UMODL1: variants seen among roughly 807,000 people sequenced by gnomAD.
UMODL1 encodes the protein uromodulin-like 1.
In UMODL1, 128 loss-of-function variants were observed where a neutral mutation model predicts 136.3. That is an observed-to-expected ratio of 0.94 (90% confidence interval 0.81 to 1.09). The LOEUF is 1.09. UMODL1 is among the 50% of genes least tolerant of loss of function. UMODL1 has a pLI of 0.00. For synonymous variants in UMODL1, 721 were observed against 720.0 expected, an observed-to-expected ratio of 1.00 and a Z score of -0.02; for missense variants, 1,766 against 1,725.6, an observed-to-expected ratio of 1.02 and a Z score of -0.41.
chr21:42,110,144 G>A (rs767348352), intron 10 of UMODL1, among the ~76,000 whole-genome samples: 23 of 152,336 alleles, frequency 1.5e-4, no homozygotes, highest in African/African-American at 4.3e-4. Flanking sequence ...GATGGGGGCC[G>A]CTGAGCTCTA....
intron 1 of UMODL1, among the ~76,000 whole-genome samples, chr21:42,065,414 C>G (rs2066175058): frequency 6.6e-6 from 1 of 152,216 alleles, no homozygotes. Flanking sequence ...TCTGACCCGT[C>G]CTAAGAGATG....
chr21:42,111,066 G>T lies in UMODL1; in HGVS notation c.1844G>T (p.Gly615Val). ...CCAGAGCCCTCACCCAGAAGAGGGGGCAGCAATGTGGTCGGGTATGACAGG... is the reference window on the plus strand; with the variant it reads ...CCAGAGCCCTCACCCAGAAGAGGGGTCAGCAATGTGGTCGGGTATGACAGG... Reference protein sequence around the residue: ...WTPEPSPRRGGSNVVGYDRNN... With the variant: ...WTPEPSPRRGVSNVVGYDRNN... Residue 615 changes from glycine (G) to valine (V), a missense_variant, in exon 11 of 23, where the codon GGC (glycine) becomes GTC (valine). Coordinates refer to ENST00000408910, the MANE Select transcript of UMODL1 (RefSeq NM_001004416.3). The T allele has an allele frequency of 6.2e-7, 1 of 1,613,420 alleles. No individual in the cohort carries two copies. The highest frequency in any genetic ancestry group is 8.5e-7 in the Non-Finnish European group (1 of 1,179,830).
At chr21:42,078,012 T>G (rs1457501171) in intron 2 of UMODL1, among the ~76,000 whole-genome samples, 1 of 152,170 alleles carries the variant, frequency 6.6e-6, no homozygotes, top group Admixed American at 6.5e-5. Flanking sequence ...TGCGTTTCTG[T>G]TGCCCCGTTC....
chr21:42,065,157 AG>A (rs1475621326), intron 1 of UMODL1, among the ~76,000 whole-genome samples: 9 of 152,162 alleles, frequency 5.9e-5, no homozygotes, highest in African/African-American at 2.2e-4. Flanking sequence ...GTTTTCCAGG[AG>A]TGACTGTGCT....
At chr21:42,084,488 T>C (rs7279111) in intron 3 of UMODL1, among the ~76,000 whole-genome samples, 2,448 of 152,146 alleles carry the variant, frequency 0.016, 69 homozygotes, top group African/African-American at 0.056. Flanking sequence ...GGAAGACACT[T>C]CTGGTGGAGC....
intron 22 of UMODL1, 58 bp downstream of exon 22, chr21:42,137,699 G>C (rs1196067842): frequency 1.3e-6 from 1 of 780,266 alleles, no homozygotes; most frequent in Non-Finnish European, 1.8e-6. Flanking sequence ...GTGGAGTGGG[G>C]TGGGAGGTGC....
chr21:42,127,805 G>A lies in UMODL1; in HGVS notation c.3664G>A (p.Glu1222Lys). Residue 1222 changes from glutamate (E) to lysine (K), a missense_variant, in exon 20 of 23, where the codon GAA becomes AAA. Coordinates refer to ENST00000408910, the MANE Select transcript of UMODL1 (RefSeq NM_001004416.3). ...GCACTGCAAACTCCGCGTCTGCATG[G>A]AATCCCCCGGAGCCACGTGCAAAAT... Reference protein sequence around the residue: ...YLHCKLRVCMESPGATCKINC... With the variant: ...YLHCKLRVCMKSPGATCKINC... The A allele has an allele frequency of 1.2e-6, 2 of 1,613,434 alleles. No homozygotes were observed. Among genetic ancestry groups the A allele is most frequent in the South Asian group, 1.1e-5 (1 of 90,838 alleles).
chr21:42,127,303 G>C lies in UMODL1; in HGVS notation c.3530+61G>C. The C allele has an allele frequency of 3.4e-6, 5 of 1,472,316 alleles. No individual in the cohort carries two copies. In the South Asian group the frequency reaches 5.7e-5, roughly 17 times the overall value. 91.2% of individuals were successfully genotyped at this position (1,472,316 alleles called of 1,614,324 possible). A position where few individuals can be genotyped will look rare whatever the true frequency, so the allele number is the denominator to read the frequency against. Reference sequence around the variant, plus strand: ...ATGCCTGGGGCTTTATTAACAATAGGTAGGGCTCAAGAATGCAGACATCCC... The same window carrying C: ...ATGCCTGGGGCTTTATTAACAATAGCTAGGGCTCAAGAATGCAGACATCCC... On this transcript the variant is annotated intron_variant, in intron 19 of 22. Transcript: ENST00000408910.
chr21:42,137,359 C>T (rs1222278294), intron 21 of UMODL1, 80 bp from the exon 22 acceptor site: 23 of 1,545,422 alleles, frequency 1.5e-5, no homozygotes, highest in Admixed American at 3.4e-5. Flanking sequence ...CCATCAGCCC[C>T]GGATCCGGGT....
At chr21:42,135,985 T>G (rs986938958) in intron 21 of UMODL1, among the ~76,000 whole-genome samples, 1 of 152,114 alleles carries the variant, frequency 6.6e-6, no homozygotes, top group African/African-American at 2.4e-5. Flanking sequence ...AAAGGCTGTT[T>G]CCAATGCAGA....
chr21:42,069,264 A>C (rs1018232524), upstream of UMODL1, among the ~76,000 whole-genome samples: 10 of 152,062 alleles, frequency 6.6e-5, no homozygotes, highest in African/African-American at 2.2e-4. Context: ...ACACACACAC[A>C]CACAAACAGC....
In UMODL1 at chr21:42,076,677, G is replaced by A. The variant is rs148480760; in HGVS notation, c.319+430G>A. Reference sequence around the variant, plus strand: ...GTGATTCTCATATACCACTGAGTGTGAGAGCCAGCACTGAACTCTCTTCTA... The same window carrying A: ...GTGATTCTCATATACCACTGAGTGTAAGAGCCAGCACTGAACTCTCTTCTA... On this transcript the variant is annotated intron_variant, in intron 2 of 22. Coordinates refer to ENST00000408910, the MANE Select transcript of UMODL1 (RefSeq NM_001004416.3). Among the ~76,000 whole-genome samples, 7 of 152,324 alleles carry A rather than the reference G, an allele frequency of 4.6e-5. No homozygotes were observed. In the East Asian group the frequency reaches 1.4e-3, roughly 29 times the overall value.
At chr21:42,121,571 G>T (rs373423632) in intron 16 of UMODL1, among the ~76,000 whole-genome samples, 9 of 152,164 alleles carry the variant, frequency 5.9e-5, no homozygotes, top group Non-Finnish European at 1.2e-4. Flanking sequence ...ACACGCAGCC[G>T]TGGGACACGC....
At chr21:42,065,747 G>T (rs2066178067) in intron 1 of UMODL1, among the ~76,000 whole-genome samples, 4 of 151,952 alleles carry the variant, frequency 2.6e-5, no homozygotes, top group Non-Finnish European at 4.4e-5. Context: ...TTGGCCAGGA[G>T]GGCCTCGATC....
intron 12 of UMODL1, 45 bp from the exon 13 acceptor site, chr21:42,113,528 G>T: frequency 6.3e-7 from 1 of 1,580,902 alleles, no homozygotes; most frequent in Non-Finnish European, 8.6e-7. Context: ...TTTTCTCCTA[G>T]AAATGGCTTG....
Position 42,099,128 on chromosome 21 carries a change from C to T in UMODL1, c.1134C>T (p.Thr378=), listed in dbSNP as rs1303492075. 6.2e-7 allele frequency: 1 copy of T among 1,613,906 alleles called. No homozygotes were observed. Among genetic ancestry groups the T allele is most frequent in the Non-Finnish European group, 8.5e-7 (1 of 1,180,024 alleles). The part of the protein sequence containing the change: ...LEAGVLYRVK[T]SYQGCGADVS... Reference sequence around the variant, plus strand: ...CTGGAGTGCTGTACAGGGTGAAGACCAGCTACCAGGGGTGCGGGGCCGACG... The same window carrying T: ...CTGGAGTGCTGTACAGGGTGAAGACTAGCTACCAGGGGTGCGGGGCCGACG... The change falls in exon 7 of 23, where the codon ACC becomes ACT. Residue 378 remains threonine (T), a synonymous_variant. Transcript: ENST00000408910. This position sits in a 1 kb window ranked among gnomAD's most constrained non-coding sequence, Gnocchi z 4.1.
intron 10 of UMODL1, among the ~76,000 whole-genome samples, chr21:42,110,400 C>T (rs1190010462): frequency 6.6e-6 from 1 of 152,224 alleles, no homozygotes. Context: ...GAGAATATTC[C>T]TTAGACACTG....
intron 16 of UMODL1, among the ~76,000 whole-genome samples, chr21:42,121,565 G>A (rs577542366): frequency 2.6e-5 from 4 of 152,236 alleles, no homozygotes; most frequent in South Asian, 4.1e-4. Context: ...TGTGAAACAC[G>A]CAGCCGTGGG....
intron 2 of UMODL1, among the ~76,000 whole-genome samples, chr21:42,081,530 T>C (rs751244684): frequency 4.1e-4 from 63 of 152,368 alleles, no homozygotes; most frequent in African/African-American, 1.5e-3. Flanking sequence ...TTCCCGGCAG[T>C]AGCCAGTTAA....
Sources: gnomAD v4.1 joint callset for allele counts (sites outside exome capture counted in the v4.1 genomes callset) on GRCh38, gnomAD v4.1.1 for gene constraint, Gnocchi (gnomAD v3.1) non-coding constraint, MANE v1.5 for transcripts, NCBI Gene and HGNC (gene_info 2026-07-23, HGNC 2026-07-21) for gene names.